Variants in GRIK2 observed in about 807,000 individuals in gnomAD.
The protein encoded by GRIK2 is glutamate receptor ionotropic, kainate 2.
Under a neutral mutation model 100.3 loss-of-function variants are expected in GRIK2, and 32 were observed. That is an observed-to-expected ratio of 0.32 (90% CI 0.24 to 0.43). The LOEUF (loss-of-function observed/expected upper bound fraction) is 0.43, where lower values mean the gene tolerates loss of function less well. Among genes scored for constraint, GRIK2 ranks in the 20% least tolerant of loss-of-function variants. The pLI is 1.00. For synonymous variants in GRIK2, 417 were observed against 389.4 expected, an observed-to-expected ratio of 1.07 and a Z score of -0.83; for missense variants, 843 against 1,114.9, an observed-to-expected ratio of 0.76 and a Z score of 3.47.
chr6:101,442,648 G>A (rs1413506222), intron 2 of GRIK2, among the ~76,000 whole-genome samples: 1 of 152,138 alleles, frequency 6.6e-6, no homozygotes, highest in Non-Finnish European at 1.5e-5. Context: ...CCTAGACATG[G>A]AGTTGGCAAA....
At chr6:101,511,881 T>C (rs1346944129) in intron 2 of GRIK2, among the ~76,000 whole-genome samples, 1 of 151,952 alleles carries the variant, frequency 6.6e-6, no homozygotes, top group Admixed American at 6.6e-5. Flanking sequence ...TTGAATTGAG[T>C]TTATAGAACA....
At chr6:101,548,281 T>G (rs1776346351) in intron 2 of GRIK2, among the ~76,000 whole-genome samples, 1 of 152,248 alleles carries the variant, frequency 6.6e-6, no homozygotes, top group East Asian at 1.9e-4. Context: ...GCCTGTTCAC[T>G]CTGATGGTAG....
intron 14 of GRIK2, among the ~76,000 whole-genome samples, chr6:102,029,790 G>T (rs569429690): frequency 6.6e-6 from 1 of 151,068 alleles, no homozygotes. Context: ...AGGTACAGTT[G>T]ACCTCAATAA....
chr6:101,614,746 A>T lies in GRIK2; in HGVS notation c.116-7203A>T, dbSNP rs537932199. Among the ~76,000 whole-genome samples the T allele has an allele frequency of 1.5e-4, 23 of 151,906 alleles. No homozygotes were observed. In the South Asian group the frequency reaches 4.8e-3, roughly 31 times the overall value. On this transcript the variant is annotated intron_variant, in intron 2 of 16. Coordinates refer to ENST00000369134, the MANE Select transcript of GRIK2 (RefSeq NM_021956.5). Reference sequence around the variant, plus strand: ...AACATATCTTCTGGGAGGATAACAGATGGTGTGCCATTTAGAACATCAGTT... The same window carrying T: ...AACATATCTTCTGGGAGGATAACAGTTGGTGTGCCATTTAGAACATCAGTT...
chr6:101,560,210 G>A (rs559387990), intron 2 of GRIK2, among the ~76,000 whole-genome samples: 18 of 152,230 alleles, frequency 1.2e-4, no homozygotes, highest in East Asian at 7.7e-4. Flanking sequence ...GACTGTGGTA[G>A]ATTGTTCTAA....
chr6:102,041,596 T>C (rs576800271), intron 15 of GRIK2, among the ~76,000 whole-genome samples: 34 of 151,680 alleles, frequency 2.2e-4, no homozygotes, highest in African/African-American at 7.5e-4. Flanking sequence ...AAATTTTAGT[T>C]TCACCTGGAT....
intron 14 of GRIK2, among the ~76,000 whole-genome samples, chr6:102,023,730 C>T (rs560214874): frequency 1.2e-4 from 18 of 151,536 alleles, no homozygotes; most frequent in African/African-American, 3.9e-4. Flanking sequence ...CTTTTTCCAG[C>T]AATGCTGTGC....
intron 7 of GRIK2, among the ~76,000 whole-genome samples, chr6:101,704,659 C>A (rs936350011): frequency 7.3e-5 from 11 of 151,102 alleles, no homozygotes; most frequent in Admixed American, 2.0e-4. Context: ...GAATATGTAG[C>A]CTCCTCCCTT....
chr6:101,940,079 AT>A (rs1790866017), intron 14 of GRIK2, among the ~76,000 whole-genome samples: 1 of 152,136 alleles, frequency 6.6e-6, no homozygotes, highest in African/African-American at 2.4e-5. Flanking sequence ...GAGAAAAAAA[AT>A]AATTAACTTT....
chr6:102,054,639 G>GA (rs917518335), intron 15 of GRIK2, among the ~76,000 whole-genome samples: 6 of 151,750 alleles, frequency 4.0e-5, no homozygotes, highest in South Asian at 4.2e-4. Flanking sequence ...GCCTCCACTG[G>GA]AAAAAAACAA....
At chr6:101,534,438 A>G (rs1644788540) in intron 2 of GRIK2, among the ~76,000 whole-genome samples, 1 of 151,914 alleles carries the variant, frequency 6.6e-6, no homozygotes, top group African/African-American at 2.4e-5. Context: ...TTATGTCTAC[A>G]TCTGATTATT....
At chr6:101,967,310 T>C (rs1220225583) in intron 14 of GRIK2, among the ~76,000 whole-genome samples, 1 of 152,064 alleles carries the variant, frequency 6.6e-6, no homozygotes, top group Admixed American at 6.6e-5. Context: ...TAAATCATTA[T>C]TAAACCAGTT....
chr6:102,000,635 T>A (rs1373576018), intron 14 of GRIK2, among the ~76,000 whole-genome samples: 3 of 152,122 alleles, frequency 2.0e-5, no homozygotes, highest in Non-Finnish European at 4.4e-5. Context: ...AAAGTATTTG[T>A]CCATTTATCT....
chr6:101,785,933 T>C lies in GRIK2; in HGVS notation c.952-13715T>C, dbSNP rs139291623. The stretch of plus-strand genomic sequence containing the variant: ...GGTAGTATGGCCATTTTTACAACAT[T>C]AATCCTTCCTATACATGAGCATGGT... On this transcript the variant is annotated intron_variant, in intron 7 of 16. Coordinates refer to ENST00000369134, the MANE Select transcript of GRIK2 (RefSeq NM_021956.5). 8.1e-3 allele frequency among the ~76,000 whole-genome samples: 1,229 copies of C among 152,260 alleles called. 8 individuals are homozygous for C. The highest frequency in any genetic ancestry group is 9.8e-3 in the Non-Finnish European group (665 of 67,990).
At chr6:101,538,542 C>T (rs1775831350) in intron 2 of GRIK2, among the ~76,000 whole-genome samples, 1 of 151,320 alleles carries the variant, frequency 6.6e-6, no homozygotes, top group Admixed American at 6.6e-5. Flanking sequence ...ACAGCCTGAG[C>T]TCATAATTAA....
At chr6:101,450,239 G>T (rs182626090) in intron 2 of GRIK2, among the ~76,000 whole-genome samples, 2 of 151,528 alleles carry the variant, frequency 1.3e-5, no homozygotes, top group African/African-American at 4.8e-5. Context: ...AGTAATAATA[G>T]ATTTAATTAG....
intron 14 of GRIK2, among the ~76,000 whole-genome samples, chr6:101,946,888 G>A (rs1264904520): frequency 1.3e-5 from 2 of 151,976 alleles, no homozygotes; most frequent in Non-Finnish European, 2.9e-5. Flanking sequence ...TTGGAGCAAG[G>A]TACCCACTGA....
At chr6:101,451,683 T>G (rs539190023) in intron 2 of GRIK2, among the ~76,000 whole-genome samples, 34 of 100,836 alleles carry the variant, frequency 3.4e-4, no homozygotes, top group Admixed American at 1.9e-3. Context: ...GAGAGCCCAT[T>G]ATTTATCTCT....
chr6:101,414,816 C>G (rs2852516), intron 2 of GRIK2, among the ~76,000 whole-genome samples: 1 of 152,200 alleles, frequency 6.6e-6, no homozygotes, highest in Non-Finnish European at 1.5e-5. Context: ...ATGTACCCAG[C>G]TGAAACATCT....
Sources: gnomAD v4.1 joint callset for allele counts (sites outside exome capture counted in the v4.1 genomes callset) on GRCh38, gnomAD v4.1.1 for gene constraint, MANE v1.5 for transcripts, NCBI Gene and HGNC (gene_info 2026-07-23, HGNC 2026-07-21) for gene names.